TTC39B: variants seen among roughly 807,000 people sequenced by gnomAD.
TTC39B encodes tetratricopeptide repeat protein 39B.
Under a neutral mutation model 96.6 loss-of-function variants are expected in TTC39B, and 92 were observed. The observed-to-expected ratio is 0.95, with a 90% CI of 0.80 to 1.13. The LOEUF (loss-of-function observed/expected upper bound fraction) is 1.13. TTC39B is among the 50% of genes most tolerant of loss of function. TTC39B has a pLI of 0.00. For missense variants in TTC39B, 955 were observed against 809.3 expected (o/e 1.18, Z -2.18); for synonymous variants, 367 against 299.4 (o/e 1.23, Z -2.33).
intron 4 of TTC39B, 94 bp from the exon 5 acceptor site, chr9:15,211,491 A>T: frequency 9.0e-7 from 1 of 1,110,112 alleles, no homozygotes; most frequent in Non-Finnish European, 1.2e-6. Context: ...TTGCACAGTA[A>T]CCTTTATTCC....
intron 3 of TTC39B, among the ~76,000 whole-genome samples, chr9:15,221,581 T>A (rs1221437587): frequency 6.6e-6 from 1 of 152,076 alleles, no homozygotes; most frequent in Non-Finnish European, 1.5e-5. Flanking sequence ...TGTTAGAGAA[T>A]GGCATCAGAA....
intron 4 of TTC39B, among the ~76,000 whole-genome samples, chr9:15,213,286 G>A (rs201418707): frequency 1.3e-5 from 2 of 152,136 alleles, no homozygotes; most frequent in Non-Finnish European, 2.9e-5. Flanking sequence ...AGATTGTGAG[G>A]CAAATATTGA....
intron 2 of TTC39B, among the ~76,000 whole-genome samples, chr9:15,247,219 T>C (rs1586952775): frequency 6.6e-6 from 1 of 152,312 alleles, no homozygotes; most frequent in Non-Finnish European, 1.5e-5. Flanking sequence ...AGGGAGAATA[T>C]TTTACATATT....
chr9:15,295,861 G>A (rs1419221949), intron 1 of TTC39B, among the ~76,000 whole-genome samples: 2 of 152,162 alleles, frequency 1.3e-5, no homozygotes, highest in African/African-American at 4.8e-5. Context: ...ATGGGTCAAT[G>A]AGCCCTTGAT....
chr9:15,176,497 G>A (rs1564309633), intron 18 of TTC39B, among the ~76,000 whole-genome samples: 1 of 152,160 alleles, frequency 6.6e-6, no homozygotes, highest in Non-Finnish European at 1.5e-5. Context: ...TCAGGAAGAA[G>A]GGGATCAGGT....
At chr9:15,265,532 G>C (rs1471188518) in intron 2 of TTC39B, among the ~76,000 whole-genome samples, 1 of 152,184 alleles carries the variant, frequency 6.6e-6, no homozygotes, top group Non-Finnish European at 1.5e-5. Context: ...ACCAAGGGAG[G>C]AGCAGGGTTG....
At chr9:15,202,510 G>C (rs1049293783) in intron 7 of TTC39B, among the ~76,000 whole-genome samples, 1 of 152,042 alleles carries the variant, frequency 6.6e-6, no homozygotes, top group Admixed American at 6.6e-5. Context: ...TCAGGAGTTC[G>C]AGACCAGCCT....
At chr9:15,283,611 T>C (rs1823850243) in intron 1 of TTC39B, among the ~76,000 whole-genome samples, 1 of 151,864 alleles carries the variant, frequency 6.6e-6, no homozygotes, top group Non-Finnish European at 1.5e-5. Context: ...TCTAAAGTTA[T>C]CAAGAAGGAA....
At chr9:15,199,381 C>T (rs1407490247) in intron 8 of TTC39B, among the ~76,000 whole-genome samples, 2 of 152,072 alleles carry the variant, frequency 1.3e-5, no homozygotes, top group Non-Finnish European at 2.9e-5. Context: ...TTCTGTTGTC[C>T]TATAACACTG....
At chr9:15,186,538 A>C (rs1369472070) in intron 15 of TTC39B, 1 of 153,910 alleles carries the variant, frequency 6.5e-6, no homozygotes, top group Non-Finnish European at 1.4e-5. Context: ...GCAGTGGAAG[A>C]AAGAGAAGGA....
At chr9:15,202,447 C>T (rs190355499) in intron 7 of TTC39B, among the ~76,000 whole-genome samples, 8 of 152,256 alleles carry the variant, frequency 5.3e-5, no homozygotes, top group African/African-American at 1.9e-4. Flanking sequence ...CGCAGTGGCT[C>T]ACGTCTATAA....
intron 1 of TTC39B, among the ~76,000 whole-genome samples, chr9:15,299,969 G>C (rs1475018818): frequency 6.9e-6 from 1 of 144,744 alleles, no homozygotes; most frequent in East Asian, 1.9e-4. Flanking sequence ...CAAAAAACAG[G>C]GTTTCAAGAG....
At chr9:15,185,291 A>G (rs1818457173) in exon 16 of TTC39B, 1 of 1,612,852 alleles carries the variant, frequency 6.2e-7, no homozygotes, top group Non-Finnish European at 8.5e-7. Context: ...AGGGCAGGTA[A>G]GATGAGCTTC....
intron 1 of TTC39B, among the ~76,000 whole-genome samples, chr9:15,281,173 T>A (rs974116889): frequency 1.1e-4 from 16 of 151,764 alleles, no homozygotes; most frequent in African/African-American, 3.9e-4. Context: ...GGAAAAAAAA[T>A]CTAAAAACAA....
intron 16 of TTC39B, chr9:15,183,471 A>C: frequency 5.6e-6 from 2 of 359,228 alleles, no homozygotes; most frequent in Middle Eastern, 7.9e-4. Context: ...GTACAAAAAA[A>C]AAAAAAAAAA....
chr9:15,240,712 T>G (rs1821999273), intron 2 of TTC39B, among the ~76,000 whole-genome samples: 1 of 152,210 alleles, frequency 6.6e-6, no homozygotes, highest in Non-Finnish European at 1.5e-5. Context: ...TTATTATTTT[T>G]GGCCCTCTCC....
intron 2 of TTC39B, among the ~76,000 whole-genome samples, chr9:15,235,794 T>G (rs1821750969): frequency 6.6e-6 from 1 of 152,156 alleles, no homozygotes; most frequent in Admixed American, 6.5e-5. Context: ...AGACCTATCC[T>G]ACAAGAAATG....
chr9:15,213,564 G>C (rs1820330779), intron 4 of TTC39B, among the ~76,000 whole-genome samples: 1 of 152,178 alleles, frequency 6.6e-6, no homozygotes, highest in African/African-American at 2.4e-5. Context: ...TGAGGTCTAA[G>C]CTTCATCTAA....
rs148384454 is a variant in TTC39B at position 15,292,247 on chromosome 9, A to T, written c.240+14837T>A. Among the ~76,000 whole-genome samples, 713 of 152,310 alleles carry T rather than the reference A, an allele frequency of 4.7e-3. 5 individuals are homozygous for T. The highest frequency in any genetic ancestry group is 0.017 in the Middle Eastern group (5 of 294). On this transcript the variant is annotated intron_variant, in intron 1 of 19. Transcript: ENST00000512701. ...AAAGCCGTGTAACTACAACAGGTCA[A>T]TGATGGACCACATACACCACGGTGG...
Sources: allele counts gnomAD v4.1 joint callset (sites outside exome capture counted in the v4.1 genomes callset), GRCh38; gene constraint gnomAD v4.1.1; transcripts MANE v1.5; gene names NCBI Gene and HGNC (gene_info 2026-07-23, HGNC 2026-07-21).